The following UGT1A9 variants were observed in gnomAD, a reference collection of about 807,000 sequenced individuals.
The protein encoded by UGT1A9 is UDP glucuronosyltransferase family 1 member A9, also known as UDP-glucuronosyltransferase 1A9.
Under a neutral mutation model 45.0 loss-of-function variants are expected in UGT1A9, and 35 were observed. The ratio of observed to expected loss-of-function variants is 0.78; its 90% confidence interval spans 0.59 to 1.03. The LOEUF (loss-of-function observed/expected upper bound fraction) is 1.03, where lower values mean the gene tolerates loss of function less well. Ranked by LOEUF, UGT1A9 falls within the 50% of genes least tolerant of loss-of-function variation. The pLI is 0.00. For synonymous variants in UGT1A9, 278 were observed against 250.6 expected, an observed-to-expected ratio of 1.11 and a Z score of -1.03; for missense variants, 687 against 666.6, an observed-to-expected ratio of 1.03 and a Z score of -0.34.
intron 1 of UGT1A9, chr2:233,690,611 C>T (rs1192980104): frequency 5.4e-6 from 7 of 1,289,328 alleles, no homozygotes; most frequent in Non-Finnish European, 7.1e-6. Context: ...TCGGCCTTTG[C>T]CTGGACACTC....
chr2:233,675,771 C>T (rs576827735), intron 1 of UGT1A9, among the ~76,000 whole-genome samples: 2 of 152,220 alleles, frequency 1.3e-5, no homozygotes, highest in African/African-American at 4.8e-5. Flanking sequence ...TTAAAGAAAA[C>T]TTTTAAAAAT....
At chr2:233,703,675 A>T (rs2075747379) in intron 1 of UGT1A9, among the ~76,000 whole-genome samples, 1 of 152,106 alleles carries the variant, frequency 6.6e-6, no homozygotes, top group Admixed American at 6.5e-5. Flanking sequence ...GTTTCATGAT[A>T]TATTTTTTTT....
intron 1 of UGT1A9, among the ~76,000 whole-genome samples, chr2:233,701,718 A>T (rs2075648818): frequency 6.6e-6 from 1 of 152,232 alleles, no homozygotes; most frequent in South Asian, 2.1e-4. Flanking sequence ...CTACATGGAA[A>T]CTGAACAACC....
At chr2:233,694,086 G>A (rs45532642) in intron 1 of UGT1A9, among the ~76,000 whole-genome samples, 2 of 152,146 alleles carry the variant, frequency 1.3e-5, no homozygotes, top group Non-Finnish European at 1.5e-5. Context: ...GGCAAGAGTA[G>A]GAGATTTGCT....
intron 1 of UGT1A9, chr2:233,713,347 A>G (rs749851918): frequency 1.2e-6 from 2 of 1,614,196 alleles, no homozygotes; most frequent in East Asian, 2.2e-5. Context: ...ATTATGAACA[A>G]TATGTCTTTG....
At chr2:233,730,740 A>G (rs1421487405) in intron 1 of UGT1A9, among the ~76,000 whole-genome samples, 1 of 152,154 alleles carries the variant, frequency 6.6e-6, no homozygotes, top group East Asian at 1.9e-4. Context: ...GGAAGGGGCT[A>G]GGGAGGAGAT....
At chr2:233,724,279 G>T (rs1430028213) in intron 1 of UGT1A9, among the ~76,000 whole-genome samples, 8 of 142,700 alleles carry the variant, frequency 5.6e-5, no homozygotes, top group Non-Finnish European at 1.1e-4. Flanking sequence ...CGGCTGGCCG[G>T]GCGGGGGGCT....
chr2:233,762,543 G>A (rs1248994186), intron 1 of UGT1A9, among the ~76,000 whole-genome samples: 10 of 152,184 alleles, frequency 6.6e-5, no homozygotes, highest in Admixed American at 6.5e-4. Flanking sequence ...GTACCACAGT[G>A]TATTCTGCTG....
At chr2:233,689,504 G>T (rs1172827184) in intron 1 of UGT1A9, among the ~76,000 whole-genome samples, 1 of 152,202 alleles carries the variant, frequency 6.6e-6, no homozygotes, top group Non-Finnish European at 1.5e-5. Context: ...ATACGCAGAG[G>T]TTACACATTG....
chr2:233,730,100 C>A, intron 1 of UGT1A9: 1 of 1,582,980 alleles, frequency 6.3e-7, no homozygotes, highest in Non-Finnish European at 8.6e-7. Flanking sequence ...CCAAATATTT[C>A]ATTTCTGCTT....
chr2:233,767,877 CA>C lies in UGT1A9; in HGVS notation c.1017del (p.Ser340ArgfsTer23). On this transcript the variant is annotated frameshift_variant, in exon 3 of 5. Coordinates refer to ENST00000354728, the MANE Select transcript of UGT1A9 (RefSeq NM_021027.3). LOFTEE classifies it high-confidence loss of function. ...TVLWRYTGTR[P>X]SNLANNTILV... Reference sequence around the variant, plus strand: ...CTGTGGCGGTACACTGGAACCCGACCATCGAATCTTGCGAACAACACGATAC... The same window carrying C: ...CTGTGGCGGTACACTGGAACCCGACCTCGAATCTTGCGAACAACACGATAC... 6.2e-7 allele frequency: 1 copy of C among 1,614,140 alleles called. No homozygotes were observed. The highest frequency in any genetic ancestry group is 8.5e-7 in the Non-Finnish European group (1 of 1,180,040).
rs373015529 is a variant in UGT1A9, at chr2:233,672,785, C to G, written c.851C>G (p.Pro284Arg). The change falls in exon 1 of 5, where the codon CCT (proline) becomes CGT (arginine). Residue 284 changes from proline (P) to arginine (R), a missense_variant. By Grantham distance (103) the Pro-to-Arg change is moderately radical (BLOSUM62 -2). Transcript: ENST00000354728. ...GINCHQGKPL[P>R]MEFEAYINAS... ...AACTGCCATCAGGGAAAGCCGTTGC[C>G]TATGGTAAGTTATCTCTCCTTTAGC... The G allele has an allele frequency of 3.3e-5, 53 of 1,613,138 alleles. No individual in the cohort carries two copies. In the African/African-American group the frequency reaches 6.1e-4, roughly 19 times the overall value.
intron 1 of UGT1A9, among the ~76,000 whole-genome samples, chr2:233,695,211 C>T (rs1186874462): frequency 6.6e-6 from 1 of 150,648 alleles, no homozygotes. Flanking sequence ...CTGCAACCTC[C>T]ACCTCCTGGG....
At chr2:233,704,433 A>T (rs1354285522) in intron 1 of UGT1A9, among the ~76,000 whole-genome samples, 1 of 152,142 alleles carries the variant, frequency 6.6e-6, no homozygotes, top group African/African-American at 2.4e-5. Context: ...TTCCAGTTAA[A>T]TATTGAAATG....
chr2:233,676,948 G>T (rs1392373524), intron 1 of UGT1A9, among the ~76,000 whole-genome samples: 2 of 152,014 alleles, frequency 1.3e-5, no homozygotes, highest in African/African-American at 4.8e-5. Flanking sequence ...TGAAATATTT[G>T]ATTACTATAG....
chr2:233,710,202 T>C (rs1002766635), intron 1 of UGT1A9, among the ~76,000 whole-genome samples: 1 of 152,262 alleles, frequency 6.6e-6, no homozygotes, highest in African/African-American at 2.4e-5. Context: ...TTTCCAGTTG[T>C]TGGCTATTAT....
chr2:233,732,424 AG>A (rs1319595536), intron 1 of UGT1A9, among the ~76,000 whole-genome samples: 1 of 152,242 alleles, frequency 6.6e-6, no homozygotes, highest in Non-Finnish European at 1.5e-5. Flanking sequence ...GTTTTCTTCT[AG>A]GATTTTTATG....
intron 1 of UGT1A9, among the ~76,000 whole-genome samples, chr2:233,745,995 A>T (rs1224487934): frequency 1.3e-5 from 2 of 151,678 alleles, no homozygotes; most frequent in Non-Finnish European, 2.9e-5. Context: ...GCTGGGTCTG[A>T]GAGACAGTGG....
intron 1 of UGT1A9, among the ~76,000 whole-genome samples, chr2:233,704,317 G>A (rs1265287357): frequency 3.5e-5 from 4 of 114,658 alleles, no homozygotes; most frequent in African/African-American, 1.5e-4. Flanking sequence ...ATCCTTTAAT[G>A]TTTTTCTTTC....
Sources: gnomAD v4.1 joint callset for allele counts (sites outside exome capture counted in the v4.1 genomes callset) on GRCh38, gnomAD v4.1.1 for gene constraint, MANE v1.5 for transcripts, NCBI Gene and HGNC (gene_info 2026-07-23, HGNC 2026-07-21) for gene names.